The following IGLON5 variants were observed in gnomAD, a reference collection of about 807,000 sequenced individuals.
IGLON5 encodes IgLON family member 5, also known as Ig-like domain-containing protein ENSP00000270642.
In IGLON5, 16 loss-of-function variants were observed where a neutral mutation model predicts 38.2. The ratio of observed to expected loss-of-function variants is 0.42; its 90% CI spans 0.28 to 0.64. The LOEUF is 0.64. Among genes scored for constraint, IGLON5 ranks in the 30% least tolerant of loss-of-function variants. IGLON5 has a pLI of 0.23. For synonymous variants in IGLON5, 207 were observed against 216.4 expected, an observed-to-expected ratio of 0.96 and a Z score of 0.38; for missense variants, 366 against 483.4, an observed-to-expected ratio of 0.76 and a Z score of 2.28.
At chr19:51,316,747 G>T (rs1169817373) in intron 1 of IGLON5, among the ~76,000 whole-genome samples, 1 of 152,010 alleles carries the variant, frequency 6.6e-6, no homozygotes, top group Non-Finnish European at 1.5e-5. Flanking sequence ...ATCCGCCTTG[G>T]CCTCCCAAAG....
In IGLON5 at chr19:51,327,123, G is replaced by C. The variant is rs769035740; in HGVS notation, c.690G>C (p.Leu230=). The C allele has an allele frequency of 6.8e-6, 11 of 1,611,822 alleles. No individual in the cohort carries two copies. Among genetic ancestry groups the C allele is most frequent in the Non-Finnish European group, 9.3e-6 (11 of 1,179,474 alleles). Residue 230 remains leucine, a synonymous_variant, in exon 6 of 8, where the codon CTG becomes CTC. Transcript: ENST00000270642. The surrounding 1 kb of genome is among the most constrained non-coding windows in gnomAD (Gnocchi z 7.1). Reference sequence around the variant, plus strand: ...ACGTGACCAGCGCCCGCACCGCGCTGGGCCGGGCCGCCCTCCTGCGCTGCG... The same window carrying C: ...ACGTGACCAGCGCCCGCACCGCGCTCGGCCGGGCCGCCCTCCTGCGCTGCG... The part of the protein sequence containing the change: ...ITDVTSARTA[L]GRAALLRCEA...
chr19:51,327,620 C>A lies in IGLON5; in HGVS notation c.768-112C>A. 1.4e-6 allele frequency: 2 copies of A among 1,435,908 alleles called. No individual in the cohort carries two copies. The highest frequency in any genetic ancestry group is 9.3e-7 in the Non-Finnish European group (1 of 1,075,576). The allele number at this position is 1,435,908 out of a possible 1,614,324, so 88.9% of individuals were successfully genotyped here. A position where few individuals can be genotyped will look rare whatever the true frequency, so the allele number is the denominator to read the frequency against. ...GGTGCTAGAACCCGAGGCGATGGGTCACTGGGGTAGGGGGCAGAATGCTGG... is the reference window on the plus strand; with the variant it reads ...GGTGCTAGAACCCGAGGCGATGGGTAACTGGGGTAGGGGGCAGAATGCTGG... On this transcript the variant is annotated intron_variant, in intron 6 of 7. Coordinates refer to ENST00000270642, the MANE Select transcript of IGLON5 (RefSeq NM_001101372.3). The surrounding 1 kb of genome is among the most constrained non-coding windows in gnomAD (Gnocchi z 7.1).
chr19:51,321,046 C>A (rs1985044146), intron 1 of IGLON5, among the ~76,000 whole-genome samples: 1 of 152,058 alleles, frequency 6.6e-6, no homozygotes, highest in Admixed American at 6.6e-5. Context: ...TGTGTGTATA[C>A]ATGTATCTGT....
chr19:51,325,322 T>G lies in IGLON5; in HGVS notation c.392-24T>G. The G allele has an allele frequency of 1.9e-6, 3 of 1,609,982 alleles. No homozygotes were observed. The highest frequency in any genetic ancestry group is 2.5e-6 in the Non-Finnish European group (3 of 1,178,244). On this transcript the variant is annotated intron_variant, in intron 3 of 7. Coordinates refer to ENST00000270642, the MANE Select transcript of IGLON5 (RefSeq NM_001101372.3). This position sits in a 1 kb window ranked among gnomAD's most constrained non-coding sequence, Gnocchi z 5.5. ...GGGCCTGGATTCCTGGGCATCCATA[T>G]TCAGCCTCTGCCGCTGCCCGCAGTC...
intron 7 of IGLON5, 116 bp from the exon 8 acceptor site, chr19:51,328,555 G>T: frequency 2.1e-6 from 1 of 477,056 alleles, no homozygotes; most frequent in Non-Finnish European, 3.8e-6. Flanking sequence ...CACACCCAAT[G>T]AGAGATCCAG....
rs569612543 is a variant in IGLON5 at position 51,326,720 on chromosome 19, T to C, written c.512-44T>C. 3.1e-5 allele frequency: 46 copies of C among 1,462,530 alleles called. No homozygotes were observed. In the East Asian group the frequency reaches 1.2e-3, roughly 38 times the overall value. The allele number at this position is 1,462,530 out of a possible 1,614,324, so 90.6% of individuals were successfully genotyped here. Reference sequence around the variant, plus strand: ...TGTGCCCGTGTTGTCCCGTGTTAAGTGTTTGTGTCCGGCCCCGCCCCCTCC... The same window carrying C: ...TGTGCCCGTGTTGTCCCGTGTTAAGCGTTTGTGTCCGGCCCCGCCCCCTCC... On this transcript the variant is annotated intron_variant, in intron 4 of 7. Coordinates refer to ENST00000270642, the MANE Select transcript of IGLON5 (RefSeq NM_001101372.3).
rs1220840062 is a variant in IGLON5 at position 51,327,936 on chromosome 19, G to A, written c.922+50G>A. ...CGGGAAGGTGGGCGGGGCCGGGGGC[G>A]GGGCTAGGGAAGTGGAGACGCCGGG... is the stretch of plus-strand genomic sequence containing the variant. On this transcript the variant is annotated intron_variant, in intron 7 of 7. Coordinates refer to ENST00000270642, the MANE Select transcript of IGLON5 (RefSeq NM_001101372.3). This position sits in a 1 kb window ranked among gnomAD's most constrained non-coding sequence, Gnocchi z 7.1. The A allele has an allele frequency of 1.2e-5, 18 of 1,451,156 alleles. No homozygotes were observed. Among genetic ancestry groups the A allele is most frequent in the Non-Finnish European group, 1.5e-5 (17 of 1,101,980 alleles). 89.9% of individuals were successfully genotyped at this position (1,451,156 alleles called of 1,614,324 possible).
intron 4 of IGLON5, among the ~76,000 whole-genome samples, chr19:51,326,395 T>G (rs1036679399): frequency 6.6e-6 from 1 of 152,200 alleles, no homozygotes; most frequent in Non-Finnish European, 1.5e-5. Flanking sequence ...CCTGCCCCAC[T>G]GGTTCTGTAT....
chr19:51,323,952 G>A, intron 3 of IGLON5, 58 bp downstream of exon 3: 1 of 1,215,560 alleles, frequency 8.2e-7, no homozygotes, highest in Non-Finnish European at 1.2e-6. Flanking sequence ...GGGGAGACTA[G>A]GCATGATGAC....
In IGLON5 at chr19:51,328,837, T is replaced by TGGGTCTCGTGGGGGCAGAAG; in HGVS notation, c.*79_*98dup. 2.0e-6 allele frequency: 2 copies of TGGGTCTCGTGGGGGCAGAAG among 991,134 alleles called. No individual in the cohort carries two copies. The highest frequency in any genetic ancestry group is 1.5e-6 in the Non-Finnish European group (1 of 681,960). The allele number at this position is 991,134 out of a possible 1,614,324, so 61.4% of individuals were successfully genotyped here. ...GAGAGAAACGGGGGAGCAAGAGCCGTGGGTCTCGTGGGGGCAGAAGAGCTC... is the reference window on the plus strand; with the variant it reads ...GAGAGAAACGGGGGAGCAAGAGCCGTGGGTCTCGTGGGGGCAGAAGGGGTCTCGTGGGGGCAGAAGAGCTC... On this transcript the variant is annotated 3_prime_UTR_variant, in exon 8 of 8. Transcript: ENST00000270642.
chr19:51,314,675 C>A (rs1196901820), intron 1 of IGLON5, among the ~76,000 whole-genome samples: 1 of 152,138 alleles, frequency 6.6e-6, no homozygotes, highest in Admixed American at 6.6e-5. Flanking sequence ...CAGAAAGACA[C>A]CCCCACCCAC....
chr19:51,328,349 A>AAAAAAAAAAAAAATAC (rs1985266855), intron 7 of IGLON5, among the ~76,000 whole-genome samples: 1 of 151,592 alleles, frequency 6.6e-6, no homozygotes, highest in African/African-American at 2.4e-5. Context: ...CAAAAAAAAA[A>AAAAAAAAAAAAAATAC]AAAAATACAA....
At position 51,322,055 on chromosome 19, in the gene IGLON5, C is replaced by T. The variant is rs755113685; in HGVS notation, c.80-9C>T. The T allele has an allele frequency of 1.2e-6, 2 of 1,612,764 alleles. No individual in the cohort carries two copies. The highest frequency in any genetic ancestry group is 2.2e-5 in the East Asian group (1 of 44,884). ...GCTGCCAAGGCTGAGCCACCCCCACCTTCCACAGGGCTGCTCTCCCAGAGC... is the reference window on the plus strand; with the variant it reads ...GCTGCCAAGGCTGAGCCACCCCCACTTTCCACAGGGCTGCTCTCCCAGAGC... On this transcript the variant is annotated splice_polypyrimidine_tract_variant and intron_variant, in intron 1 of 7. Coordinates refer to ENST00000270642, the MANE Select transcript of IGLON5 (RefSeq NM_001101372.3).
In IGLON5 at chr19:51,324,825, A is replaced by G. The variant is rs1030141259; in HGVS notation, c.392-521A>G. On this transcript the variant is annotated intron_variant, in intron 3 of 7. Transcript: ENST00000270642. This position sits in a 1 kb window ranked among gnomAD's most constrained non-coding sequence, Gnocchi z 4.2. ...GGAGTGGAAAGCACAGATGACTTAG[A>G]ATTGATGAAATACAGTAACATCCAC... 6.6e-6 allele frequency among the ~76,000 whole-genome samples: 1 copy of G among 151,538 alleles called. No individual in the cohort carries two copies. Among genetic ancestry groups the G allele is most frequent in the African/African-American group, 2.4e-5 (1 of 41,256 alleles).
chr19:51,327,345 G>A lies in IGLON5; in HGVS notation c.767+145G>A, dbSNP rs187322677. ...TGGGGCGTCCAGCTTCTAGGTGATG[G>A]GATCTGTCCAGCCCCGGAGACAAGC... On this transcript the variant is annotated intron_variant, in intron 6 of 7. Transcript: ENST00000270642. This position sits in a 1 kb window ranked among gnomAD's most constrained non-coding sequence, Gnocchi z 7.1. 1,265 of 1,166,764 alleles carry A rather than the reference G, an allele frequency of 1.1e-3. 7 individuals are homozygous for A. The African/African-American group carries it at 0.018, about 17-fold the overall frequency. 72.3% of individuals were successfully genotyped at this position (1,166,764 alleles called of 1,614,324 possible).
rs190787982 is a variant in IGLON5, at chr19:51,329,008, C to T, written c.*249C>T. On this transcript the variant is annotated 3_prime_UTR_variant, in exon 8 of 8. Coordinates refer to ENST00000270642, the MANE Select transcript of IGLON5 (RefSeq NM_001101372.3). This position sits in a 1 kb window ranked among gnomAD's most constrained non-coding sequence, Gnocchi z 4.3. ...CACCCGTTCACGTTTCCGATTGTGA[C>T]CCACTCCCGCCACCCCATACCCCTC... 1.4e-4 allele frequency: 61 copies of T among 424,402 alleles called. No individual in the cohort carries two copies. The East Asian group carries it at 2.4e-3, about 16-fold the overall frequency. The allele number at this position is 424,402 out of a possible 1,614,324, so 26.3% of individuals were successfully genotyped here. A position where few individuals can be genotyped will look rare whatever the true frequency, so the allele number is the denominator to read the frequency against.
chr19:51,319,693 A>G (rs932720545), intron 1 of IGLON5, among the ~76,000 whole-genome samples: 2 of 152,120 alleles, frequency 1.3e-5, no homozygotes, highest in African/African-American at 4.8e-5. Flanking sequence ...CTTGGCCTGA[A>G]TGTGACAATA....
In IGLON5 at chr19:51,327,277, G is replaced by A. The variant is rs1376946740; in HGVS notation, c.767+77G>A. The A allele has an allele frequency of 1.1e-5, 17 of 1,537,350 alleles. No individual in the cohort carries two copies. The highest frequency in any genetic ancestry group is 1.4e-5 in the Non-Finnish European group (16 of 1,140,138). On this transcript the variant is annotated intron_variant, in intron 6 of 7. Transcript: ENST00000270642. The surrounding 1 kb of genome is among the most constrained non-coding windows in gnomAD (Gnocchi z 7.1). ...CCCTTCGATTGTGAGGCAGGGGGAC[G>A]GAGCGGGGCGGGGGAAGGCAGCAGA...
At position 51,328,779 on chromosome 19, in the gene IGLON5, A is replaced by G. The variant is rs1224443096; in HGVS notation, c.*20A>G. The G allele has an allele frequency of 6.4e-7, 1 of 1,558,162 alleles. No individual in the cohort carries two copies. Among genetic ancestry groups the G allele is most frequent in the Non-Finnish European group, 8.7e-7 (1 of 1,150,774 alleles). On this transcript the variant is annotated 3_prime_UTR_variant, in exon 8 of 8. Coordinates refer to ENST00000270642, the MANE Select transcript of IGLON5 (RefSeq NM_001101372.3). ...ATGTAGGCGCAACCCAGTGGAGCTC[A>G]CCTCCCCCTGCAGGGGGCCTCAGGC...
Sources: allele counts gnomAD v4.1 joint callset (sites outside exome capture counted in the v4.1 genomes callset), GRCh38; gene constraint gnomAD v4.1.1; non-coding constraint Gnocchi (gnomAD v3.1); transcripts MANE v1.5; gene names NCBI Gene and HGNC (gene_info 2026-07-23, HGNC 2026-07-21).